Variants in ATM observed in about 807,000 individuals in gnomAD.
The protein encoded by ATM is serine-protein kinase ATM.
A neutral mutation model predicts 387.0 loss-of-function variants in ATM; 308 were observed. That is an observed-to-expected ratio of 0.80 (90% CI 0.73 to 0.87). The LOEUF (loss-of-function observed/expected upper bound fraction) is 0.87. Among genes scored for constraint, ATM ranks in the 40% least tolerant of loss-of-function variants. ATM has a pLI of 0.00. For missense variants in ATM, 3,312 were observed against 3,560.9 expected, an observed-to-expected ratio of 0.93 and a Z score of 1.78; for synonymous variants, 1,156 against 1,187.3, an observed-to-expected ratio of 0.97 and a Z score of 0.54.
rs2080122454 is a variant in ATM, at chr11:108,251,075, A to G, written c.1607+3A>G. ...GGGTCAGCCTGCAGACCTTCATGGT[A>G]AGTTCAGCATGCATTATGTCTGACT... On this transcript the variant is annotated splice_donor_region_variant and intron_variant, in intron 10 of 62. Transcript: ENST00000675843. The G allele has an allele frequency of 6.2e-7, 1 of 1,614,014 alleles. No individual in the cohort carries two copies. Among genetic ancestry groups the G allele is most frequent in the East Asian group, 2.2e-5 (1 of 44,874 alleles).
At chr11:108,226,637 T>C (rs1417092672) in intron 1 of ATM, 1 of 152,228 alleles carries the variant, frequency 6.6e-6, no homozygotes, top group Non-Finnish European at 1.5e-5. Flanking sequence ...AACCTCCTAC[T>C]TATCAGCTCC....
intron 1 of ATM, chr11:108,225,003 C>A (rs1312979361): frequency 6.6e-6 from 1 of 152,112 alleles, no homozygotes; most frequent in Non-Finnish European, 1.5e-5. Flanking sequence ...TCAAAGTAAT[C>A]ATTAAGCTGA....
intron 4 of ATM, among the ~76,000 whole-genome samples, chr11:108,232,397 A>G (rs1012738500): frequency 1.3e-5 from 2 of 152,160 alleles, no homozygotes; most frequent in African/African-American, 4.8e-5. Context: ...GAAATTTAAC[A>G]TATGTCTAAA....
In ATM at chr11:108,368,021, A is replaced by G. The variant is rs1018387139; in HGVS notation, c.*2513A>G. The G allele has an allele frequency of 1.5e-5, 3 of 206,782 alleles. No individual in the cohort carries two copies. The highest frequency in any genetic ancestry group is 6.0e-5 in the Admixed American group (1 of 16,750). 12.8% of individuals were successfully genotyped at this position (206,782 alleles called of 1,614,324 possible). On this transcript the variant is annotated 3_prime_UTR_variant, in exon 63 of 63. Coordinates refer to ENST00000675843, the MANE Select transcript of ATM (RefSeq NM_000051.4). ...AATGAATTTGTAGCTAATTCTTGCT[A>G]GTTGTTGCATCCAGAGAGCTTTGAA...
chr11:108,325,714 T>C (rs186149560), intron 46 of ATM, among the ~76,000 whole-genome samples, 170 bp downstream of exon 46: 3 of 152,364 alleles, frequency 2.0e-5, no homozygotes. Context: ...ATCTGACTTT[T>C]AAGCCTTGGG....
chr11:108,284,411 C>T lies in ATM; in HGVS notation c.3931C>T (p.Gln1311Ter), dbSNP rs200976093. 1 of 1,613,846 alleles carries T rather than the reference C, an allele frequency of 6.2e-7. No individual in the cohort carries two copies. The highest frequency in any genetic ancestry group is 1.3e-5 in the African/African-American group (1 of 75,004). The change falls in exon 26 of 63, where the codon CAA becomes TAA. Residue 1311 changes from glutamine (Q) to a stop codon, truncating the protein, a stop_gained. Coordinates refer to ENST00000675843, the MANE Select transcript of ATM (RefSeq NM_000051.4). LOFTEE classifies it high-confidence loss of function. ...EGTRDSGMAQ[Q>*]RETATKVYDM... is the part of the protein sequence containing the mutation. ...TACCAGAGACAGTGGGATGGCACAGCAAAGAGAGACTGCTACCAAGGTCTA... is the reference window on the plus strand; with the variant it reads ...TACCAGAGACAGTGGGATGGCACAGTAAAGAGAGACTGCTACCAAGGTCTA...
intron 14 of ATM, 103 bp downstream of exon 14, chr11:108,256,443 T>C: frequency 8.3e-7 from 1 of 1,212,056 alleles, no homozygotes; most frequent in Non-Finnish European, 1.2e-6. Flanking sequence ...TTATGCAGGT[T>C]AACCCTTTCT....
intron 4 of ATM, 69 bp downstream of exon 4, chr11:108,229,392 T>TTTC: frequency 1.4e-6 from 2 of 1,452,448 alleles, no homozygotes; most frequent in Non-Finnish European, 1.9e-6. Flanking sequence ...TTTTTTTTTT[T>TTTC]CAGATCATTT....
At chr11:108,318,427 A>C (rs572986977) in intron 43 of ATM, among the ~76,000 whole-genome samples, 15 of 152,154 alleles carry the variant, frequency 9.9e-5, no homozygotes, top group African/African-American at 3.6e-4. Context: ...GTGGTGGCTC[A>C]CACCTGTAAT....
intron 16 of ATM, among the ~76,000 whole-genome samples, chr11:108,266,245 C>A (rs1453905065): frequency 4.6e-5 from 7 of 150,866 alleles, no homozygotes; most frequent in South Asian, 2.1e-4. Flanking sequence ...AAATGTCCAA[C>A]AATGATAGAC....
At position 108,283,982 on chromosome 11, in the gene ATM, C is replaced by G. The variant is rs547837002; in HGVS notation, c.3747-245C>G. Among the ~76,000 whole-genome samples, 4 of 152,118 alleles carry G rather than the reference C, an allele frequency of 2.6e-5. No homozygotes were observed. In the East Asian group the frequency reaches 7.7e-4, roughly 29 times the overall value. On this transcript the variant is annotated intron_variant, in intron 25 of 62. Coordinates refer to ENST00000675843, the MANE Select transcript of ATM (RefSeq NM_000051.4). ...TCTTTTTGCTAAGGGTGCTACTGAA[C>G]AAGGTCCCATTTTTAAATCCCATAA...
At chr11:108,357,220 T>C (rs2090077631) in intron 61 of ATM, among the ~76,000 whole-genome samples, 1 of 152,190 alleles carries the variant, frequency 6.6e-6, no homozygotes, top group African/African-American at 2.4e-5. Context: ...CCCACCCGAA[T>C]ATTGCGCTTT....
At chr11:108,257,957 G>A (rs1026696308) in intron 15 of ATM, among the ~76,000 whole-genome samples, 3 of 151,682 alleles carry the variant, frequency 2.0e-5, no homozygotes, top group Non-Finnish European at 2.9e-5. Flanking sequence ...CAGCAGCCTC[G>A]ACCTCCTGGG....
At chr11:108,271,853 A>G (rs1327091003) in intron 20 of ATM, among the ~76,000 whole-genome samples, 1 of 152,210 alleles carries the variant, frequency 6.6e-6, no homozygotes, top group Non-Finnish European at 1.5e-5. Flanking sequence ...ATTCTAAATC[A>G]ATAGACTGTT....
chr11:108,350,430 T>C (rs2089047919), intron 59 of ATM, among the ~76,000 whole-genome samples: 1 of 152,220 alleles, frequency 6.6e-6, no homozygotes, highest in Non-Finnish European at 1.5e-5. Flanking sequence ...AGGTTTTGAT[T>C]AGAATGTACA....
chr11:108,292,481 T>C lies in ATM; in HGVS notation c.4437-138T>C, dbSNP rs1285603763. On this transcript the variant is annotated intron_variant, in intron 29 of 62. Coordinates refer to ENST00000675843, the MANE Select transcript of ATM (RefSeq NM_000051.4). ...TGCTGATGTGACTTCTCTTTTTGGC[T>C]TATAAGCCATTAAAATATTTATGTC... is the stretch of plus-strand genomic sequence containing the variant. 2.9e-6 allele frequency: 3 copies of C among 1,046,216 alleles called. No homozygotes were observed. The African/African-American group carries it at 4.8e-5, about 17-fold the overall frequency. The allele number at this position is 1,046,216 out of a possible 1,614,324, so 64.8% of individuals were successfully genotyped here. A position where few individuals can be genotyped will look rare whatever the true frequency, so the allele number is the denominator to read the frequency against.
rs532149538 is a variant in ATM at position 108,330,495 on chromosome 11, C to T, written c.7515+74C>T. 9.5e-5 allele frequency: 135 copies of T among 1,420,392 alleles called. 1 individual carries two copies. The African/African-American group carries it at 1.7e-3, about 18-fold the overall frequency. The allele number at this position is 1,420,392 out of a possible 1,614,324, so 88.0% of individuals were successfully genotyped here. On this transcript the variant is annotated intron_variant, in intron 50 of 62. Coordinates refer to ENST00000675843, the MANE Select transcript of ATM (RefSeq NM_000051.4). ...ACATAAGCCCCTTGATGTCAGGAAT[C>T]GTGTATACCTCTTTGTATTCCTAGC...
chr11:108,311,648 T>C (rs948810118), intron 39 of ATM, among the ~76,000 whole-genome samples: 13 of 151,598 alleles, frequency 8.6e-5, no homozygotes, highest in African/African-American at 3.2e-4. Context: ...CAGTGAGCCA[T>C]GATTGTGCCA....
chr11:108,324,700 T>C (rs1205976070), intron 45 of ATM, among the ~76,000 whole-genome samples: 4 of 152,232 alleles, frequency 2.6e-5, no homozygotes, highest in African/African-American at 4.8e-5. Context: ...TTTCTTTCAA[T>C]AAATGTCCCT....
Sources: allele counts gnomAD v4.1 joint callset (sites outside exome capture counted in the v4.1 genomes callset), GRCh38; gene constraint gnomAD v4.1.1; transcripts MANE v1.5; gene names NCBI Gene and HGNC (gene_info 2026-07-23, HGNC 2026-07-21).